Variants in PRDM11 observed in about 807,000 individuals in gnomAD.
The protein encoded by PRDM11 is PR domain-containing protein 11.
PRDM11 carries 20 observed loss-of-function variants against 97.8 expected under a neutral mutation model. The ratio of observed to expected loss-of-function variants is 0.20; its 90% CI spans 0.14 to 0.30. The LOEUF (loss-of-function observed/expected upper bound fraction) is 0.30. PRDM11 is among the 10% of genes least tolerant of loss of function. The pLI is 1.00. For missense variants in PRDM11, 1,139 were observed against 1,555.2 expected (o/e 0.73, Z 4.50); for synonymous variants, 599 against 637.7 (o/e 0.94, Z 0.91).
intron 5 of PRDM11, chr11:45,209,177 C>G (rs539060802): frequency 2.2e-6 from 1 of 452,978 alleles, no homozygotes; most frequent in Non-Finnish European, 4.5e-6. Flanking sequence ...GGGGCCGGGC[C>G]CCCACCATCG....
intron 4 of PRDM11, among the ~76,000 whole-genome samples, chr11:45,186,338 G>C (rs1005566022): frequency 1.3e-5 from 2 of 152,158 alleles, no homozygotes; most frequent in African/African-American, 4.8e-5. Flanking sequence ...CCTGGTGCCC[G>C]TGAGATGCTC....
At chr11:45,169,964 T>G (rs755839343) in intron 1 of PRDM11, among the ~76,000 whole-genome samples, 3 of 152,190 alleles carry the variant, frequency 2.0e-5, no homozygotes, top group Non-Finnish European at 4.4e-5. Context: ...GAGAAATATC[T>G]CTACCTTCCT....
chr11:45,153,443 G>C (rs1799412645), intron 1 of PRDM11, among the ~76,000 whole-genome samples: 1 of 152,256 alleles, frequency 6.6e-6, no homozygotes, highest in African/African-American at 2.4e-5. Flanking sequence ...GCCTCCAAGG[G>C]CTGCATGGAC....
intron 1 of PRDM11, among the ~76,000 whole-genome samples, chr11:45,096,800 A>G (rs543425423): frequency 9.1e-4 from 139 of 152,330 alleles, no homozygotes; most frequent in Middle Eastern, 6.8e-3. Flanking sequence ...CTACTCTGAA[A>G]TGTGAGGACT....
chr11:45,145,371 A>G (rs1323551485), upstream of PRDM11, among the ~76,000 whole-genome samples: 1 of 152,102 alleles, frequency 6.6e-6, no homozygotes, highest in Non-Finnish European at 1.5e-5. Context: ...CTCCAGCTCC[A>G]CATCCAGATT....
At chr11:45,143,368 T>A (rs985809084), upstream of PRDM11, among the ~76,000 whole-genome samples, 51 of 152,196 alleles carry the variant, frequency 3.4e-4, no homozygotes, top group African/African-American at 1.2e-3. Flanking sequence ...GGACTTTTCC[T>A]TCTAAAGAGG....
intron 1 of PRDM11, among the ~76,000 whole-genome samples, chr11:45,099,604 A>C (rs1317237388): frequency 6.6e-6 from 1 of 151,654 alleles, no homozygotes; most frequent in Non-Finnish European, 1.5e-5. Flanking sequence ...GCAGGTGCGT[A>C]TATGTATGGG....
At position 45,234,919 on chromosome 11, in the gene PRDM11, C is replaced by T. The variant is rs1345608377; in HGVS notation, c.*6760C>T. The stretch of plus-strand genomic sequence containing the variant: ...TCACATACATATTAATATGTTAATA[C>T]TTTCTTTAAAAAAAACCTCTTGATG... On this transcript the variant is annotated 3_prime_UTR_variant, in exon 8 of 8. Coordinates refer to ENST00000683152, the MANE Select transcript of PRDM11 (RefSeq NM_001384648.1). 1 of 152,058 alleles carries T rather than the reference C, an allele frequency of 6.6e-6. No homozygotes were observed. The highest frequency in any genetic ancestry group is 1.5e-5 in the Non-Finnish European group (1 of 68,004). 9.4% of individuals were successfully genotyped at this position (152,058 alleles called of 1,614,324 possible).
At chr11:45,198,309 A>G (rs992016540) in intron 4 of PRDM11, among the ~76,000 whole-genome samples, 1 of 152,166 alleles carries the variant, frequency 6.6e-6, no homozygotes, top group Non-Finnish European at 1.5e-5. Context: ...GTTCAAGTTC[A>G]AGTTCAGGTT....
rs1386948211 is a variant in PRDM11 at position 45,231,086 on chromosome 11, G to C, written c.*2927G>C. The stretch of plus-strand genomic sequence containing the variant: ...GGTTAGGGCATCCCTAAAACTCTGG[G>C]TGCTTGTGGCTTCTGCTGAATTTAG... On this transcript the variant is annotated 3_prime_UTR_variant, in exon 8 of 8. Coordinates refer to ENST00000683152, the MANE Select transcript of PRDM11 (RefSeq NM_001384648.1). 1 of 152,232 alleles carries C rather than the reference G, an allele frequency of 6.6e-6. No individual in the cohort carries two copies. The highest frequency in any genetic ancestry group is 1.5e-5 in the Non-Finnish European group (1 of 68,054). 9.4% of individuals were successfully genotyped at this position (152,232 alleles called of 1,614,324 possible).
chr11:45,124,711 CT>C (rs1173779096), intron 1 of PRDM11, among the ~76,000 whole-genome samples: 1 of 152,126 alleles, frequency 6.6e-6, no homozygotes, highest in East Asian at 1.9e-4. Flanking sequence ...GGTGGATAAG[CT>C]TTTTGATGTG....
At chr11:45,104,794 C>G (rs536475348) in intron 1 of PRDM11, among the ~76,000 whole-genome samples, 10 of 152,168 alleles carry the variant, frequency 6.6e-5, no homozygotes, top group Non-Finnish European at 1.5e-4. Context: ...ATCATCCCAG[C>G]CCTGAGGTTA....
At chr11:45,110,172 A>G (rs1413678626) in intron 1 of PRDM11, among the ~76,000 whole-genome samples, 2 of 152,226 alleles carry the variant, frequency 1.3e-5, no homozygotes, top group Non-Finnish European at 2.9e-5. Flanking sequence ...TAAGCTTCAC[A>G]CAAAGAATTT....
chr11:45,203,047 G>A (rs1853385422), intron 4 of PRDM11, among the ~76,000 whole-genome samples: 2 of 152,146 alleles, frequency 1.3e-5, no homozygotes, highest in Admixed American at 6.5e-5. Context: ...TTTTGAGCTG[G>A]TGCGGGACAT....
intron 1 of PRDM11, among the ~76,000 whole-genome samples, chr11:45,134,132 G>A (rs1266646624): frequency 1.3e-5 from 2 of 152,170 alleles, no homozygotes; most frequent in African/African-American, 4.8e-5. Context: ...GTGATTAGGC[G>A]AGTCCTTTGT....
chr11:45,115,941 AG>A lies in PRDM11; in HGVS notation c.96+20041del, dbSNP rs377554670. The stretch of plus-strand genomic sequence containing the variant: ...GAAACTCCATCTCAAAAAAAAAAAA[AG>A]AAAAAAAGAAAAAAAAAAGCTAGAG... On this transcript the variant is annotated intron_variant, in intron 1 of 6. Transcript: ENST00000530656. Among the ~76,000 whole-genome samples, 684 of 151,020 alleles carry A rather than the reference AG, an allele frequency of 4.5e-3. 9 individuals carry two copies. The highest frequency in any genetic ancestry group is 0.016 in the African/African-American group (656 of 40,696).
At chr11:45,212,642 C>A (rs1232155182) in intron 5 of PRDM11, 6 of 456,182 alleles carry the variant, frequency 1.3e-5, no homozygotes, top group Non-Finnish European at 2.6e-5. Flanking sequence ...CCATCCCTCG[C>A]CCCAGGCCCA....
chr11:45,200,459 G>GT (rs1853287485), intron 4 of PRDM11, among the ~76,000 whole-genome samples: 1 of 152,200 alleles, frequency 6.6e-6, no homozygotes, highest in African/African-American at 2.4e-5. Flanking sequence ...TACAAGGTTG[G>GT]TTTTTATCCA....
At chr11:45,182,736 G>C in intron 3 of PRDM11, 125 bp from the exon 4 acceptor site, 1 of 1,216,448 alleles carries the variant, frequency 8.2e-7, no homozygotes, top group Non-Finnish European at 1.1e-6. Context: ...TATTGCTACC[G>C]ATGACCCTGG....
Sources: gnomAD v4.1 joint callset for allele counts (sites outside exome capture counted in the v4.1 genomes callset) on GRCh38, gnomAD v4.1.1 for gene constraint, MANE v1.5 for transcripts, NCBI Gene and HGNC (gene_info 2026-07-23, HGNC 2026-07-21) for gene names.